Variants in TACC2 observed in about 807,000 individuals in gnomAD.
TACC2 encodes transforming acidic coiled-coil-containing protein 2.
A neutral mutation model predicts 227.3 loss-of-function variants in TACC2; 137 were observed. The ratio of observed to expected loss-of-function variants is 0.60; its 90% CI spans 0.52 to 0.69. TACC2 has a LOEUF of 0.69. TACC2 is among the 30% of genes least tolerant of loss of function. The pLI is 0.00. For synonymous variants in TACC2, 1,523 were observed against 1,487.5 expected (o/e 1.02, Z -0.55); for missense variants, 3,470 against 3,694.4 (o/e 0.94, Z 1.57).
chr10:122,161,726 G>A (rs931688498), intron 7 of TACC2, among the ~76,000 whole-genome samples: 1 of 152,350 alleles, frequency 6.6e-6, no homozygotes, highest in East Asian at 1.9e-4. Context: ...TCTAATTGTG[G>A]TTCCTCATTT....
At chr10:122,178,242 T>TC (rs200793154) in intron 7 of TACC2, among the ~76,000 whole-genome samples, 37 of 146,512 alleles carry the variant, frequency 2.5e-4, no homozygotes, top group African/African-American at 5.6e-4. Flanking sequence ...TTTCTTTCTT[T>TC]TTTTTTTTTT....
intron 19 of TACC2, among the ~76,000 whole-genome samples, chr10:122,245,468 G>T (rs1356547625): frequency 6.6e-6 from 1 of 152,152 alleles, no homozygotes; most frequent in Non-Finnish European, 1.5e-5. Context: ...ACCAAGTCAG[G>T]TGAAACATAC....
chr10:122,224,626 T>C, intron 11 of TACC2, 100 bp from the exon 12 acceptor site: 1 of 1,015,562 alleles, frequency 9.8e-7, no homozygotes, highest in Non-Finnish European at 1.5e-6. Context: ...AGCCTTGTGA[T>C]AGCTCCCACC....
At chr10:122,003,074 G>A (rs1308518041) in intron 1 of TACC2, among the ~76,000 whole-genome samples, 1 of 151,972 alleles carries the variant, frequency 6.6e-6, no homozygotes, top group African/African-American at 2.4e-5. Context: ...ATAGTGGTGG[G>A]CACCTGCAAT....
At chr10:122,128,532 G>C (rs1262340886) in intron 5 of TACC2, among the ~76,000 whole-genome samples, 1 of 152,166 alleles carries the variant, frequency 6.6e-6, no homozygotes, top group African/African-American at 2.4e-5. Context: ...GCCTGGCCGC[G>C]TTCCCGCCCT....
intron 2 of TACC2, among the ~76,000 whole-genome samples, chr10:122,036,007 G>A (rs1960192890): frequency 6.6e-6 from 1 of 152,044 alleles, no homozygotes; most frequent in African/African-American, 2.4e-5. Flanking sequence ...AACTACTGTA[G>A]GTACCTCATG....
intron 9 of TACC2, among the ~76,000 whole-genome samples, chr10:122,215,042 G>C (rs2095371834): frequency 6.6e-6 from 1 of 152,166 alleles, no homozygotes; most frequent in South Asian, 2.1e-4. Context: ...GTTGGGTTCA[G>C]ATACCCCTGG....
chr10:122,048,449 C>CTCCT (rs1248669249), intron 2 of TACC2, among the ~76,000 whole-genome samples: 1 of 147,524 alleles, frequency 6.8e-6, no homozygotes, highest in African/African-American at 2.5e-5. Context: ...CCCTCCCTCC[C>CTCCT]TCCCTCCCTT....
chr10:122,122,766 G>C (rs936474181), intron 5 of TACC2, among the ~76,000 whole-genome samples: 3 of 152,196 alleles, frequency 2.0e-5, no homozygotes, highest in Non-Finnish European at 4.4e-5. Context: ...GAGTGAGTGT[G>C]TGCAGAGCCC....
chr10:122,018,000 A>C (rs182645897), intron 1 of TACC2, among the ~76,000 whole-genome samples: 1,649 of 104,306 alleles, frequency 0.016, 42 homozygotes, highest in African/African-American at 0.057. Flanking sequence ...CGTTTTATTT[A>C]TTTATTTCTT....
intron 7 of TACC2, among the ~76,000 whole-genome samples, chr10:122,169,330 A>G (rs2093352120): frequency 6.6e-6 from 1 of 152,216 alleles, no homozygotes; most frequent in Non-Finnish European, 1.5e-5. Flanking sequence ...AGAAATAATT[A>G]TATCCCTTAA....
chr10:122,160,598 C>T (rs905056873), intron 7 of TACC2, among the ~76,000 whole-genome samples: 3 of 152,106 alleles, frequency 2.0e-5, no homozygotes, highest in African/African-American at 7.2e-5. Flanking sequence ...TTGAGGGGAC[C>T]CTTATGATGT....
rs1952938816 is a variant in TACC2, at chr10:121,989,317, C to T, written c.-217C>T. 6.6e-6 allele frequency: 1 copy of T among 152,282 alleles called. No individual in the cohort carries two copies. The highest frequency in any genetic ancestry group is 2.4e-5 in the African/African-American group (1 of 41,466). 9.4% of individuals were successfully genotyped at this position (152,282 alleles called of 1,614,324 possible). On this transcript the variant is annotated 5_prime_UTR_variant, in exon 1 of 23. Coordinates refer to ENST00000369005, the MANE Select transcript of TACC2 (RefSeq NM_206862.4). ...GTCCTCTTCCAAGTATACTTTACTT[C>T]CTTTCATTCCTCTCTAAAACTTTTT...
At position 122,137,547 on chromosome 10, in the gene TACC2, G is replaced by T. The variant is rs9663524; in HGVS notation, c.5699+4813G>T. Among the ~76,000 whole-genome samples, 1,132 of 152,218 alleles carry T rather than the reference G, an allele frequency of 7.4e-3. 10 individuals carry two copies. Among genetic ancestry groups the T allele is most frequent in the African/African-American group, 0.025 (1,035 of 41,528 alleles). ...CCACTATGTATTAAGCAGTGAAATG[G>T]GACACATCCAAGAGCCTCTTGTGCT... On this transcript the variant is annotated intron_variant, in intron 6 of 22. Transcript: ENST00000369005.
At position 122,141,375 on chromosome 10, in the gene TACC2, A is replaced by G. The variant is rs1036081293; in HGVS notation, c.5700-2197A>G. Among the ~76,000 whole-genome samples, 3 of 152,032 alleles carry G rather than the reference A, an allele frequency of 2.0e-5. No individual in the cohort carries two copies. The highest frequency in any genetic ancestry group is 4.8e-5 in the African/African-American group (2 of 41,384). On this transcript the variant is annotated intron_variant, in intron 6 of 22. Coordinates refer to ENST00000369005, the MANE Select transcript of TACC2 (RefSeq NM_206862.4). The surrounding 1 kb of genome is among the most constrained non-coding windows in gnomAD (Gnocchi z 4.3). ...TTTCTTAAATGAGCTGTTGAGTCAC[A>G]CTTGTTTGATGCCTTTGGCTAACGG...
At chr10:122,033,850 T>C (rs1959253830) in intron 2 of TACC2, among the ~76,000 whole-genome samples, 1 of 152,052 alleles carries the variant, frequency 6.6e-6, no homozygotes, top group African/African-American at 2.4e-5. Flanking sequence ...CCAGGTGAAG[T>C]GGGCTTTTAA....
intron 18 of TACC2, among the ~76,000 whole-genome samples, chr10:122,240,781 G>C (rs1405469060): frequency 6.6e-6 from 1 of 152,194 alleles, no homozygotes; most frequent in Non-Finnish European, 1.5e-5. Context: ...GATTCTTTTT[G>C]AGAAGTTTCT....
intron 5 of TACC2, among the ~76,000 whole-genome samples, chr10:122,108,592 C>T (rs1328132043): frequency 2.0e-5 from 3 of 150,278 alleles, no homozygotes; most frequent in South Asian, 2.1e-4. Context: ...ATTACAGGCA[C>T]GTGCCACCAT....
chr10:122,071,815 A>G (rs969825937), intron 3 of TACC2, among the ~76,000 whole-genome samples: 2 of 149,620 alleles, frequency 1.3e-5, no homozygotes, highest in African/African-American at 4.9e-5. Context: ...TGAACCCAGA[A>G]GGTGGAGGTT....
Sources: allele counts gnomAD v4.1 joint callset (sites outside exome capture counted in the v4.1 genomes callset), GRCh38; gene constraint gnomAD v4.1.1; non-coding constraint Gnocchi (gnomAD v3.1); transcripts MANE v1.5; gene names NCBI Gene and HGNC (gene_info 2026-07-23, HGNC 2026-07-21).